The following VDAC1 variants were observed in gnomAD, a reference collection of about 807,000 sequenced individuals.
VDAC1 encodes the protein voltage dependent anion channel 1, also known as non-selective voltage-gated ion channel VDAC1.
In VDAC1, 10 loss-of-function variants were observed where a neutral mutation model predicts 34.7. The ratio of observed to expected loss-of-function variants is 0.29; its 90% confidence interval spans 0.18 to 0.49. VDAC1 has a LOEUF of 0.49. VDAC1 is among the 20% of genes least tolerant of loss of function. The pLI is 0.99. For missense variants in VDAC1, 230 were observed against 347.9 expected (o/e 0.66, Z 2.69); for synonymous variants, 130 against 136.0 (o/e 0.96, Z 0.30).
the VDAC1 span, among the ~76,000 whole-genome samples, chr5:134,033,714 C>T: frequency 1.3e-5 from 2 of 150,968 alleles, no homozygotes; most frequent in Non-Finnish European, 2.9e-5. Flanking sequence ...AAATATAGGC[C>T]GGGTGCGATG....
the VDAC1 span, among the ~76,000 whole-genome samples, chr5:134,081,703 G>A: frequency 1.3e-5 from 2 of 152,130 alleles, no homozygotes; most frequent in Non-Finnish European, 2.9e-5. Context: ...CACTCAGCTG[G>A]AAGAAGGATA....
At chr5:133,982,524 A>G (rs1252211292) in intron 5 of VDAC1, among the ~76,000 whole-genome samples, 1 of 151,318 alleles carries the variant, frequency 6.6e-6, no homozygotes, top group Non-Finnish European at 1.5e-5. Flanking sequence ...AAAAAAAAAA[A>G]AAAGAATTAT....
chr5:134,034,572 C>T, the VDAC1 span, among the ~76,000 whole-genome samples: 16 of 152,140 alleles, frequency 1.1e-4, no homozygotes, highest in African/African-American at 3.9e-4. Flanking sequence ...TCCCAGAGCC[C>T]GCAGCAGGAA....
intron 1 of VDAC1, among the ~76,000 whole-genome samples, chr5:133,997,542 A>T (rs1182894007): frequency 6.8e-6 from 1 of 146,564 alleles, no homozygotes. Context: ...TACTAAAAAT[A>T]AAAAAAAAAT....
the VDAC1 span, among the ~76,000 whole-genome samples, chr5:134,040,490 G>T: frequency 6.6e-6 from 1 of 152,004 alleles, no homozygotes; most frequent in African/African-American, 2.4e-5. Flanking sequence ...TGGGAGAATC[G>T]CTTGAACCCG....
At chr5:134,060,236 G>A in the VDAC1 span, among the ~76,000 whole-genome samples, 4 of 151,898 alleles carry the variant, frequency 2.6e-5, no homozygotes, top group Non-Finnish European at 5.9e-5. Flanking sequence ...TCACCACTGA[G>A]TGCAACTGTG....
At chr5:134,027,419 G>T in the VDAC1 span, among the ~76,000 whole-genome samples, 4 of 152,172 alleles carry the variant, frequency 2.6e-5, no homozygotes, top group Non-Finnish European at 4.4e-5. Context: ...AGAACATGGG[G>T]GACAAGAGAG....
chr5:134,058,849 C>T, the VDAC1 span, among the ~76,000 whole-genome samples: 3 of 152,218 alleles, frequency 2.0e-5, no homozygotes, highest in Non-Finnish European at 4.4e-5. Flanking sequence ...CCACAAGCCT[C>T]TCTGCAGGGA....
chr5:134,017,953 T>C, the VDAC1 span, among the ~76,000 whole-genome samples: 2 of 152,150 alleles, frequency 1.3e-5, no homozygotes, highest in Non-Finnish European at 2.9e-5. Flanking sequence ...AGATGATGAA[T>C]GACGTGTGGC....
chr5:134,031,164 T>A, the VDAC1 span, among the ~76,000 whole-genome samples: 2 of 152,164 alleles, frequency 1.3e-5, no homozygotes, highest in Admixed American at 1.3e-4. Context: ...TTCCAGCTGA[T>A]CAAGAAAGAA....
At chr5:134,046,701 C>T in the VDAC1 span, among the ~76,000 whole-genome samples, 1 of 152,160 alleles carries the variant, frequency 6.6e-6, no homozygotes, top group African/African-American at 2.4e-5. Flanking sequence ...TTTTGGGCAG[C>T]ACCTCAGGGG....
chr5:134,114,194 T>C, the VDAC1 span, among the ~76,000 whole-genome samples: 1 of 152,086 alleles, frequency 6.6e-6, no homozygotes, highest in Admixed American at 6.5e-5. Context: ...GGATGGAGGA[T>C]GGGGCAAGAG....
intron 1 of VDAC1, among the ~76,000 whole-genome samples, chr5:133,998,616 C>T (rs1190114197): frequency 6.6e-6 from 1 of 152,230 alleles, no homozygotes; most frequent in African/African-American, 2.4e-5. Context: ...TCCAAGGCTG[C>T]TGCAGTAGCA....
the VDAC1 span, among the ~76,000 whole-genome samples, chr5:134,030,788 G>T: frequency 6.6e-6 from 1 of 151,998 alleles, no homozygotes; most frequent in East Asian, 1.9e-4. Flanking sequence ...TGTATTTTTA[G>T]TAGGGGTTTT....
chr5:134,105,317 G>A, the VDAC1 span, among the ~76,000 whole-genome samples: 69 of 152,302 alleles, frequency 4.5e-4, no homozygotes, highest in African/African-American at 6.3e-4. Context: ...GGAACAGGGC[G>A]AGCTCTCTGT....
At chr5:134,022,256 T>A in the VDAC1 span, among the ~76,000 whole-genome samples, 6 of 125,830 alleles carry the variant, frequency 4.8e-5, no homozygotes, top group African/African-American at 1.7e-4. Flanking sequence ...CCCTGGGTTG[T>A]TGAAAAAAAT....
At chr5:134,011,639 C>CTTT in the VDAC1 span, among the ~76,000 whole-genome samples, 2 of 135,074 alleles carry the variant, frequency 1.5e-5, no homozygotes, top group Non-Finnish European at 1.6e-5. Flanking sequence ...ATCACAAGTT[C>CTTT]TTTTTTTTTT....
chr5:134,068,966 C>CTGTGTGTGTGTGTGTGTGTGTGTGTG, the VDAC1 span, among the ~76,000 whole-genome samples: 2 of 136,610 alleles, frequency 1.5e-5, no homozygotes, highest in African/African-American at 5.5e-5. Context: ...TGGGAGGTGA[C>CTGTGTGTGTGTGTGTGTGTGTGTGTG]TGTGTGTGTG....
chr5:134,044,848 G>A, the VDAC1 span, among the ~76,000 whole-genome samples: 1 of 152,216 alleles, frequency 6.6e-6, no homozygotes, highest in Non-Finnish European at 1.5e-5. Flanking sequence ...GCACAGAAGA[G>A]ACTGGCTGCC....
Sources: gnomAD v4.1 joint callset for allele counts (sites outside exome capture counted in the v4.1 genomes callset) on GRCh38, gnomAD v4.1.1 for gene constraint, MANE v1.5 for transcripts, NCBI Gene and HGNC (gene_info 2026-07-23, HGNC 2026-07-21) for gene names.